The following LPP variants were observed in gnomAD, a reference collection of about 807,000 sequenced individuals.
LPP encodes the protein lipoma-preferred partner.
Under a neutral mutation model 60.4 loss-of-function variants are expected in LPP, and 38 were observed. The ratio of observed to expected loss-of-function variants is 0.63; its 90% confidence interval spans 0.49 to 0.83. The LOEUF is 0.83. Among genes scored for constraint, LPP ranks in the 40% least tolerant of loss-of-function variants. The pLI, the probability that LPP is intolerant of heterozygous loss-of-function variation, is 0.00. For synonymous variants in LPP, 328 were observed against 290.8 expected (o/e 1.13, Z -1.30); for missense variants, 902 against 783.6 (o/e 1.15, Z -1.80).
At chr3:188,248,875 T>C (rs780805693) in intron 2 of LPP, among the ~76,000 whole-genome samples, 3 of 152,188 alleles carry the variant, frequency 2.0e-5, no homozygotes, top group Non-Finnish European at 2.9e-5. Context: ...CGTTGTTAGA[T>C]AAAGCTCATC....
chr3:188,771,317 G>C (rs1307756245), intron 9 of LPP, among the ~76,000 whole-genome samples: 1 of 152,148 alleles, frequency 6.6e-6, no homozygotes, highest in Non-Finnish European at 1.5e-5. Context: ...GGGAGGCCGA[G>C]GTGCACAGAT....
intron 2 of LPP, among the ~76,000 whole-genome samples, chr3:188,323,880 G>C (rs1196582955): frequency 6.6e-6 from 1 of 152,238 alleles, no homozygotes; most frequent in Non-Finnish European, 1.5e-5. Context: ...ATTGAATCCA[G>C]CTGAAGCAGG....
intron 2 of LPP, among the ~76,000 whole-genome samples, chr3:188,288,222 G>A (rs1345416850): frequency 1.3e-5 from 2 of 152,138 alleles, no homozygotes; most frequent in African/African-American, 2.4e-5. Context: ...TTCCTTTGCC[G>A]AAAGCAGGCT....
At chr3:188,171,228 A>G (rs910810046) in intron 1 of LPP, among the ~76,000 whole-genome samples, 1 of 152,188 alleles carries the variant, frequency 6.6e-6, no homozygotes, top group Admixed American at 6.5e-5. Flanking sequence ...TTGATCCTCC[A>G]TGTACTTTTG....
At chr3:188,169,087 T>G (rs1720828516) in intron 1 of LPP, among the ~76,000 whole-genome samples, 1 of 152,250 alleles carries the variant, frequency 6.6e-6, no homozygotes, top group South Asian at 2.1e-4. Context: ...GAGGCAGCAG[T>G]CCATCATGTT....
At chr3:188,664,494 G>C (rs1366135795) in intron 7 of LPP, among the ~76,000 whole-genome samples, 1 of 152,060 alleles carries the variant, frequency 6.6e-6, no homozygotes, top group Non-Finnish European at 1.5e-5. Flanking sequence ...CTAACACTTT[G>C]ATTTACTCAA....
chr3:188,359,947 TGC>T (rs1768781324), intron 3 of LPP, among the ~76,000 whole-genome samples: 1 of 152,224 alleles, frequency 6.6e-6, no homozygotes, highest in African/African-American at 2.4e-5. Context: ...TGCACTGCTC[TGC>T]CCACATTCCA....
intron 2 of LPP, among the ~76,000 whole-genome samples, chr3:188,280,724 G>A (rs9808977): frequency 2.0e-5 from 3 of 151,978 alleles, no homozygotes; most frequent in South Asian, 2.1e-4. Context: ...ACCAGTTCCC[G>A]TTTTGTCTGG....
At chr3:188,371,633 ATATATATATTTTTTTTTTTTTT>A (rs1279425398) in intron 3 of LPP, among the ~76,000 whole-genome samples, 4 of 28,712 alleles carry the variant, frequency 1.4e-4, no homozygotes, top group Non-Finnish European at 2.6e-4. Flanking sequence ...ATATATATAT[ATATATATATTTTTTTTTTTTTT>A]TTTTTTTTTT....
chr3:188,191,642 AC>A (rs1281332302), intron 1 of LPP, among the ~76,000 whole-genome samples: 3 of 152,220 alleles, frequency 2.0e-5, no homozygotes, highest in Admixed American at 1.3e-4. Flanking sequence ...GTGAGCAAAC[AC>A]TCACTGAAGG....
At chr3:188,851,371 A>G (rs906407182) in intron 9 of LPP, among the ~76,000 whole-genome samples, 10 of 152,216 alleles carry the variant, frequency 6.6e-5, no homozygotes, top group Admixed American at 6.5e-5. Flanking sequence ...ATAATACTAC[A>G]TGCTTTTGAA....
intron 3 of LPP, among the ~76,000 whole-genome samples, chr3:188,346,279 A>ATTTTTTTTTTTTTT (rs1764353289): frequency 1.3e-4 from 4 of 31,986 alleles, no homozygotes; most frequent in African/African-American, 8.0e-4. Context: ...TTTTTTTTTG[A>ATTTTTTTTTTTTTT]GACGGAGTCT....
chr3:188,238,467 A>C (rs1722672575), intron 2 of LPP, among the ~76,000 whole-genome samples: 1 of 151,986 alleles, frequency 6.6e-6, no homozygotes, highest in African/African-American at 2.4e-5. Flanking sequence ...TCCTCACTAA[A>C]CTTAACCATT....
chr3:188,571,006 G>A (rs539481465), intron 6 of LPP, among the ~76,000 whole-genome samples: 4 of 152,130 alleles, frequency 2.6e-5, no homozygotes, highest in South Asian at 2.1e-4. Flanking sequence ...AAAGAGCTAC[G>A]CTCAAAGCTT....
chr3:188,212,506 C>T (rs1219985913), intron 1 of LPP: 1 of 152,184 alleles, frequency 6.6e-6, no homozygotes, highest in African/African-American at 2.4e-5. Flanking sequence ...GGTGATTTTT[C>T]TGACATCCTC....
intron 7 of LPP, among the ~76,000 whole-genome samples, chr3:188,707,399 C>T (rs1232796910): frequency 6.6e-6 from 1 of 152,044 alleles, no homozygotes. Flanking sequence ...TGATCCCTGC[C>T]CCCCTGCCCA....
At chr3:188,360,541 G>A (rs780428838) in intron 3 of LPP, among the ~76,000 whole-genome samples, 97 of 151,408 alleles carry the variant, frequency 6.4e-4, no homozygotes, top group Non-Finnish European at 1.1e-3. Flanking sequence ...TCTTTTTGTG[G>A]AGATGGGGTC....
At chr3:188,262,673 C>T (rs1349185142) in intron 2 of LPP, among the ~76,000 whole-genome samples, 2 of 151,744 alleles carry the variant, frequency 1.3e-5, no homozygotes, top group Non-Finnish European at 2.9e-5. Context: ...TATCTCAGTT[C>T]TCTTTCTCCT....
chr3:188,343,148 G>C (rs1275558833), intron 3 of LPP, among the ~76,000 whole-genome samples: 1 of 152,020 alleles, frequency 6.6e-6, no homozygotes, highest in African/African-American at 2.4e-5. Context: ...GCATGCATTA[G>C]GTATTTGTCC....
Sources: gnomAD v4.1 joint callset for allele counts (sites outside exome capture counted in the v4.1 genomes callset) on GRCh38, gnomAD v4.1.1 for gene constraint, MANE v1.5 for transcripts, NCBI Gene and HGNC (gene_info 2026-07-23, HGNC 2026-07-21) for gene names.